The following COL11A2 variants were observed in gnomAD, a reference collection of about 807,000 sequenced individuals.
COL11A2 encodes the protein collagen alpha-2(XI) chain.
COL11A2 carries 116 observed loss-of-function variants against 273.4 expected under a neutral mutation model. The observed-to-expected ratio is 0.42, with a 90% confidence interval of 0.36 to 0.49. The LOEUF (loss-of-function observed/expected upper bound fraction) is 0.49. COL11A2 is among the 20% of genes least tolerant of loss of function. The pLI, the probability that COL11A2 is intolerant of heterozygous loss-of-function variation, is 0.00. For missense variants in COL11A2, 1,866 were observed against 2,309.0 expected, an observed-to-expected ratio of 0.81 and a Z score of 3.93; for synonymous variants, 782 against 864.2, an observed-to-expected ratio of 0.90 and a Z score of 1.67.
Position 33,174,594 on chromosome 6 carries a change from G to T in COL11A2, c.2377-14C>A. On this transcript the variant is annotated splice_polypyrimidine_tract_variant and intron_variant, in intron 30 of 65. Transcript: ENST00000341947. ...ACCCAGCTTGCCCTGTGGAGGGACA[G>T]GAAGCAGTTAGGAGTGAGAGGAGGC... The T allele has an allele frequency of 6.2e-7, 1 of 1,611,616 alleles. No homozygotes were observed. The highest frequency in any genetic ancestry group is 8.5e-7 in the Non-Finnish European group (1 of 1,179,888).
chr6:33,166,331 G>T lies in COL11A2; in HGVS notation c.4393-125C>A. 1 of 1,303,948 alleles carries T rather than the reference G, an allele frequency of 7.7e-7. No individual in the cohort carries two copies. The allele number at this position is 1,303,948 out of a possible 1,614,324, so 80.8% of individuals were successfully genotyped here. ...TACTACAGGAGGGGCAGTCTTGTGG[G>T]AATACTAGGACATTCAGAGCCCTGG... On this transcript the variant is annotated intron_variant, in intron 60 of 65. Transcript: ENST00000341947. The surrounding 1 kb of genome is among the most constrained non-coding windows in gnomAD (Gnocchi z 4.8).
chr6:33,164,619 G>T lies in COL11A2; in HGVS notation c.4864-146C>A. ...GGGAATGGCTGGAAGGCAAGGGCTG[G>T]GAAAGAAGTGAGGGGCTGAGTGGGA... On this transcript the variant is annotated intron_variant, in intron 64 of 65. Coordinates refer to ENST00000341947, the MANE Select transcript of COL11A2 (RefSeq NM_080680.3). This position sits in a 1 kb window ranked among gnomAD's most constrained non-coding sequence, Gnocchi z 4.7. 1 of 804,466 alleles carries T rather than the reference G, an allele frequency of 1.2e-6. No individual in the cohort carries two copies. The highest frequency in any genetic ancestry group is 1.9e-5 in the South Asian group (1 of 53,450). The allele number at this position is 804,466 out of a possible 1,614,324, so 49.8% of individuals were successfully genotyped here.
chr6:33,169,587 C>T lies in COL11A2; in HGVS notation c.3691-97G>A. 8.0e-7 allele frequency: 1 copy of T among 1,247,784 alleles called. No homozygotes were observed. The allele number at this position is 1,247,784 out of a possible 1,614,324, so 77.3% of individuals were successfully genotyped here. A position where few individuals can be genotyped will look rare whatever the true frequency, so the allele number is the denominator to read the frequency against. ...GACACCTTCAGCCATCCCCTACTCCCCTCAGTGACAATGGGACATACACAG... is the reference window on the plus strand; with the variant it reads ...GACACCTTCAGCCATCCCCTACTCCTCTCAGTGACAATGGGACATACACAG... On this transcript the variant is annotated intron_variant, in intron 50 of 65. Transcript: ENST00000341947. This position sits in a 1 kb window ranked among gnomAD's most constrained non-coding sequence, Gnocchi z 5.5.
rs1440901519 is a variant in COL11A2, at chr6:33,177,887, T to C, written c.1873-181A>G. 1.3e-6 allele frequency: 1 copy of C among 794,512 alleles called. No homozygotes were observed. The highest frequency in any genetic ancestry group is 2.7e-5 in the East Asian group (1 of 37,264). The allele number at this position is 794,512 out of a possible 1,614,324, so 49.2% of individuals were successfully genotyped here. A position where few individuals can be genotyped will look rare whatever the true frequency, so the allele number is the denominator to read the frequency against. On this transcript the variant is annotated intron_variant, in intron 21 of 65. Coordinates refer to ENST00000341947, the MANE Select transcript of COL11A2 (RefSeq NM_080680.3). The surrounding 1 kb of genome is among the most constrained non-coding windows in gnomAD (Gnocchi z 5.9). Reference sequence around the variant, plus strand: ...TGTGGATCTGTGGGCTTGTGGGCTTTGGTTTTGTTTTTCTTGAAGATTTAT... The same window carrying C: ...TGTGGATCTGTGGGCTTGTGGGCTTCGGTTTTGTTTTTCTTGAAGATTTAT...
chr6:33,172,636 C>T lies in COL11A2; in HGVS notation c.2792G>A (p.Gly931Glu), dbSNP rs1458374762. 1 of 1,611,868 alleles carries T rather than the reference C, an allele frequency of 6.2e-7. No homozygotes were observed. The highest frequency in any genetic ancestry group is 2.2e-5 in the East Asian group (1 of 44,872). The change falls in exon 39 of 66, where the codon GGA (glycine) becomes GAA (glutamate). Residue 931 changes from glycine (G) to glutamate (E), a missense_variant and splice_region_variant. Physicochemically the swap from Gly to Glu is moderately conservative, Grantham distance 98. Coordinates refer to ENST00000341947, the MANE Select transcript of COL11A2 (RefSeq NM_080680.3). ...PGPPGVVGPQGAAGETGPMGE... is the reference protein window; with the variant it reads ...PGPPGVVGPQEAAGETGPMGE... ...CATAGGGCCGGTTTCTCCTGCTGCTCCCTAGACAAAAGCAGAGAGAGTTCC... is the reference window on the plus strand; with the variant it reads ...CATAGGGCCGGTTTCTCCTGCTGCTTCCTAGACAAAAGCAGAGAGAGTTCC...
chr6:33,168,797 C>A (rs1351363592), intron 52 of COL11A2, 38 bp from the exon 53 acceptor site: 2 of 1,598,688 alleles, frequency 1.3e-6, no homozygotes, highest in Non-Finnish European at 1.7e-6. Flanking sequence ...GGGCCCCCAA[C>A]CTGGCTGGCA....
Position 33,166,375 on chromosome 6 carries a change from C to T in COL11A2, c.4392+138G>A. On this transcript the variant is annotated intron_variant, in intron 60 of 65. Coordinates refer to ENST00000341947, the MANE Select transcript of COL11A2 (RefSeq NM_080680.3). The surrounding 1 kb of genome is among the most constrained non-coding windows in gnomAD (Gnocchi z 4.8). ...GCCCTGGAAGTATGGGGAGGAGGTACTGGTGGTGACAGGACAAATGGGGGA... is the reference window on the plus strand; with the variant it reads ...GCCCTGGAAGTATGGGGAGGAGGTATTGGTGGTGACAGGACAAATGGGGGA... 2 of 1,247,088 alleles carry T rather than the reference C, an allele frequency of 1.6e-6. No individual in the cohort carries two copies. The highest frequency in any genetic ancestry group is 2.2e-6 in the Non-Finnish European group (2 of 889,200). 77.3% of individuals were successfully genotyped at this position (1,247,088 alleles called of 1,614,324 possible).
At position 33,173,642 on chromosome 6, in the gene COL11A2, C is replaced by G; in HGVS notation, c.2628+59G>C. ...CTTCCTTCCTGGGGTGAGGAGGGAGCTGGCTCACCCAGGCTCCCTGGGGAC... is the reference window on the plus strand; with the variant it reads ...CTTCCTTCCTGGGGTGAGGAGGGAGGTGGCTCACCCAGGCTCCCTGGGGAC... On this transcript the variant is annotated intron_variant, in intron 35 of 65. Transcript: ENST00000341947. This position sits in a 1 kb window ranked among gnomAD's most constrained non-coding sequence, Gnocchi z 6.3. 6.6e-7 allele frequency: 1 copy of G among 1,512,916 alleles called. No individual in the cohort carries two copies. The highest frequency in any genetic ancestry group is 9.1e-7 in the Non-Finnish European group (1 of 1,099,390). 93.7% of individuals were successfully genotyped at this position (1,512,916 alleles called of 1,614,324 possible). A position where few individuals can be genotyped will look rare whatever the true frequency, so the allele number is the denominator to read the frequency against.
At position 33,169,675 on chromosome 6, in the gene COL11A2, T is replaced by C. The variant is rs575384376; in HGVS notation, c.3690+156A>G. ...CCCTTCAAGAAAGGGGAAGAAGGGC[T>C]CACTCAGACCAGGGATCAGGCCTCA... is the stretch of plus-strand genomic sequence containing the variant. On this transcript the variant is annotated intron_variant, in intron 50 of 65. Coordinates refer to ENST00000341947, the MANE Select transcript of COL11A2 (RefSeq NM_080680.3). This position sits in a 1 kb window ranked among gnomAD's most constrained non-coding sequence, Gnocchi z 5.5. Among the ~76,000 whole-genome samples the C allele has an allele frequency of 2.6e-5, 4 of 152,180 alleles. No individual in the cohort carries two copies. In the South Asian group the frequency reaches 8.3e-4, roughly 32 times the overall value.
rs199615717 is a variant in COL11A2, at chr6:33,165,762, G to A, written c.4537C>T (p.Arg1513Trp). 26 of 1,612,868 alleles carry A rather than the reference G, an allele frequency of 1.6e-5. No individual in the cohort carries two copies. The highest frequency in any genetic ancestry group is 6.7e-5 in the African/African-American group (5 of 75,038). Residue 1513 changes from arginine (R) to tryptophan (W), a missense_variant, in exon 63 of 66, where the codon CGG (arginine) becomes TGG (tryptophan). Coordinates refer to ENST00000341947, the MANE Select transcript of COL11A2 (RefSeq NM_080680.3). The surrounding 1 kb of genome is among the most constrained non-coding windows in gnomAD (Gnocchi z 7.7). ...AGACGGCTTCCATCCACCGAGCGCC[G>A]AGTCTTCTTGGGCATCTGAATGGGC... ...PLPIQMPKKT[R>W]RSVDGSRLMQ...
chr6:33,166,678 C>CT lies in COL11A2; in HGVS notation c.4338+41dup. The stretch of plus-strand genomic sequence containing the variant: ...TCCAACTCCACCCCTCTCCACCCCA[C>CT]TCTCAACCCCCACAACTTCCGGGAC... On this transcript the variant is annotated intron_variant, in intron 59 of 65. Coordinates refer to ENST00000341947, the MANE Select transcript of COL11A2 (RefSeq NM_080680.3). This position sits in a 1 kb window ranked among gnomAD's most constrained non-coding sequence, Gnocchi z 4.8. 1 of 1,613,096 alleles carries CT rather than the reference C, an allele frequency of 6.2e-7. No homozygotes were observed. Among genetic ancestry groups the CT allele is most frequent in the Non-Finnish European group, 8.5e-7 (1 of 1,179,206 alleles).
In COL11A2 at chr6:33,185,753, T is replaced by C. The variant is rs1434780478; in HGVS notation, c.824A>G (p.Tyr275Cys). ...SQPTESLYYD[Y>C]EPPYYDVMTT... ...CATCACATCATAATAGGGGGGCTCG[T>C]AGTCATAGTAGAGAGACTCAGTGGG... The change falls in exon 6 of 66, where the codon TAC (tyrosine) becomes TGC (cysteine). Residue 275 changes from tyrosine to cysteine, a missense_variant. Coordinates refer to ENST00000341947, the MANE Select transcript of COL11A2 (RefSeq NM_080680.3). 2 of 1,350,230 alleles carry C rather than the reference T, an allele frequency of 1.5e-6. No homozygotes were observed. Among genetic ancestry groups the C allele is most frequent in the South Asian group, 1.1e-5 (1 of 87,668 alleles). The allele number at this position is 1,350,230 out of a possible 1,614,324, so 83.6% of individuals were successfully genotyped here. A position where few individuals can be genotyped will look rare whatever the true frequency, so the allele number is the denominator to read the frequency against.
intron 54 of COL11A2, 86 bp downstream of exon 54, chr6:33,168,433 C>T: frequency 6.9e-7 from 1 of 1,448,782 alleles, no homozygotes; most frequent in Admixed American, 1.7e-5. Flanking sequence ...AGGCACCTCC[C>T]CACCCATCCC....
In COL11A2 at chr6:33,177,481, C is replaced by G; in HGVS notation, c.1918-16G>C. On this transcript the variant is annotated splice_polypyrimidine_tract_variant and intron_variant, in intron 22 of 65. Transcript: ENST00000341947. The surrounding 1 kb of genome is among the most constrained non-coding windows in gnomAD (Gnocchi z 5.9). ...CCTGGGGTCCCTAGAAACAGGTGAC[C>G]AGGCACAGGTCAGAAGGAGATGGAG... The G allele has an allele frequency of 6.2e-7, 1 of 1,612,686 alleles. No individual in the cohort carries two copies. The highest frequency in any genetic ancestry group is 8.5e-7 in the Non-Finnish European group (1 of 1,179,822).
rs1265119699 is a variant in COL11A2, at chr6:33,164,758, C to A, written c.4863+94G>T. The A allele has an allele frequency of 3.9e-5, 44 of 1,136,940 alleles. No homozygotes were observed. The highest frequency in any genetic ancestry group is 4.0e-5 in the Non-Finnish European group (31 of 780,778). 70.4% of individuals were successfully genotyped at this position (1,136,940 alleles called of 1,614,324 possible). On this transcript the variant is annotated intron_variant, in intron 64 of 65. Coordinates refer to ENST00000341947, the MANE Select transcript of COL11A2 (RefSeq NM_080680.3). This position sits in a 1 kb window ranked among gnomAD's most constrained non-coding sequence, Gnocchi z 4.7. Reference sequence around the variant, plus strand: ...GGGTGGCAGGCTCCGGGGGGGGCAACAGCCAGGGGACTGTCACCAAAACCC... The same window carrying A: ...GGGTGGCAGGCTCCGGGGGGGGCAAAAGCCAGGGGACTGTCACCAAAACCC...
intron 41 of COL11A2, 34 bp downstream of exon 41, chr6:33,172,016 G>A (rs756667650): frequency 6.2e-7 from 1 of 1,612,508 alleles, no homozygotes; most frequent in African/African-American, 1.3e-5. Flanking sequence ...CCTTTCCCGG[G>A]TCCTTCCTAC....
At chr6:33,168,858 C>G in intron 52 of COL11A2, 97 bp downstream of exon 52, 14 of 1,605,158 alleles carry the variant, frequency 8.7e-6, no homozygotes, top group Non-Finnish European at 1.1e-5. Flanking sequence ...CTGCCATACC[C>G]CCGGCTTCCC....
chr6:33,176,337 C>G lies in COL11A2; in HGVS notation c.2170-34G>C. On this transcript the variant is annotated intron_variant, in intron 27 of 65. Transcript: ENST00000341947. This position sits in a 1 kb window ranked among gnomAD's most constrained non-coding sequence, Gnocchi z 4.9. ...AGAGAGGGGATAGAAGTAGACTGAT[C>G]AGGGGATGGAGGTGGGTTGGAAGGA... 6.2e-7 allele frequency: 1 copy of G among 1,601,866 alleles called. No individual in the cohort carries two copies. The highest frequency in any genetic ancestry group is 8.5e-7 in the Non-Finnish European group (1 of 1,173,940).
rs778605214 is a variant in COL11A2, at chr6:33,171,477, T to C, written c.3248A>G (p.Asp1083Gly). Reference protein sequence around the residue: ...PAGPPGVAGEDGDKGEVGDPG... With the variant: ...PAGPPGVAGEGGDKGEVGDPG... ...GTGGGGTCCCCTCACCTTGTCTCCA[T>C]CCTCTCCAGCCACACCTGGAGGCCC... The change falls in exon 43 of 66, where the codon GAT (aspartate) becomes GGT (glycine). Residue 1083 changes from aspartate to glycine, a missense_variant. Transcript: ENST00000341947. 6 of 1,613,774 alleles carry C rather than the reference T, an allele frequency of 3.7e-6. No individual in the cohort carries two copies. Among genetic ancestry groups the C allele is most frequent in the Non-Finnish European group, 5.1e-6 (6 of 1,179,908 alleles).
Sources: allele counts gnomAD v4.1 joint callset (sites outside exome capture counted in the v4.1 genomes callset), GRCh38; gene constraint gnomAD v4.1.1; non-coding constraint Gnocchi (gnomAD v3.1); transcripts MANE v1.5; gene names NCBI Gene and HGNC (gene_info 2026-07-23, HGNC 2026-07-21).